The following MAL variants were observed in gnomAD, a reference collection of about 807,000 sequenced individuals.
MAL encodes myelin and lymphocyte protein.
A neutral mutation model predicts 16.7 loss-of-function variants in MAL; 5 were observed. The ratio of observed to expected loss-of-function variants is 0.30; its 90% CI spans 0.16 to 0.63. The LOEUF (loss-of-function observed/expected upper bound fraction) is 0.63. MAL is among the 30% of genes least tolerant of loss of function. The probability of loss-of-function intolerance (pLI) is 0.82; values close to 1 mark genes in which losing one functional copy is unlikely to be tolerated. For missense variants in MAL, 202 were observed against 195.8 expected (o/e 1.03, Z -0.19); for synonymous variants, 96 against 85.5 (o/e 1.12, Z -0.67).
chr2:95,025,836 G>T lies in MAL; in HGVS notation c.44G>T (p.Gly15Val). 6.3e-7 allele frequency: 1 copy of T among 1,578,726 alleles called. No homozygotes were observed. Among genetic ancestry groups the T allele is most frequent in the Admixed American group, 1.8e-5 (1 of 55,726 alleles). The stretch of plus-strand genomic sequence containing the variant: ...ACGGGGGGCAGCACCCTGCCCAGTG[G>T]CTTCTCGGTCTTCACCACCTTGCCC... ...AATGGSTLPSGFSVFTTLPDL... is the reference protein window; with the variant it reads ...AATGGSTLPSVFSVFTTLPDL... Residue 15 changes from glycine to valine, a missense_variant, in exon 1 of 4, where the codon GGC becomes GTC. Transcript: ENST00000309988. This position sits in a 1 kb window ranked among gnomAD's most constrained non-coding sequence, Gnocchi z 5.6.
chr2:95,036,697 G>A (rs1320129985), intron 1 of MAL, among the ~76,000 whole-genome samples: 2 of 152,132 alleles, frequency 1.3e-5, no homozygotes, highest in African/African-American at 4.8e-5. Flanking sequence ...GACTGAGTGA[G>A]TGAGTGACTG....
At chr2:95,040,900 C>T (rs1317352032) in intron 1 of MAL, among the ~76,000 whole-genome samples, 1 of 152,156 alleles carries the variant, frequency 6.6e-6, no homozygotes, top group African/African-American at 2.4e-5. Context: ...TCACATATGC[C>T]TTTAAAGGCA....
At chr2:95,043,951 A>G (rs1318298137) in intron 1 of MAL, among the ~76,000 whole-genome samples, 2 of 152,134 alleles carry the variant, frequency 1.3e-5, no homozygotes, top group African/African-American at 2.4e-5. Context: ...ACAGGCAAGG[A>G]CTGGTGTAAG....
intron 1 of MAL, chr2:95,026,193 C>A (rs1237325468): frequency 9.0e-6 from 2 of 222,232 alleles, no homozygotes; most frequent in Non-Finnish European, 1.7e-5. Flanking sequence ...CCCAAAGCTG[C>A]GCGCGGGGCC....
intron 1 of MAL, among the ~76,000 whole-genome samples, chr2:95,041,206 G>A (rs550811022): frequency 2.0e-5 from 3 of 152,338 alleles, no homozygotes; most frequent in South Asian, 2.1e-4. Flanking sequence ...AACTCCAGAC[G>A]AATCTCAAGA....
At chr2:95,031,507 C>A (rs1359908302) in intron 1 of MAL, among the ~76,000 whole-genome samples, 1 of 152,220 alleles carries the variant, frequency 6.6e-6, no homozygotes, top group Non-Finnish European at 1.5e-5. Context: ...CGAGGCCAGG[C>A]CACCCTCTTG....
chr2:95,051,430 T>G (rs1356482107), intron 3 of MAL: 12 of 152,242 alleles, frequency 7.9e-5, no homozygotes, highest in Admixed American at 7.9e-4. Context: ...TCCCCATCAC[T>G]GTGCACCCCC....
rs191035128 is a variant in MAL, at chr2:95,031,540, A to C, written c.93+5655A>C. Among the ~76,000 whole-genome samples the C allele has an allele frequency of 7.9e-5, 12 of 152,320 alleles. No individual in the cohort carries two copies. In the East Asian group the frequency reaches 2.3e-3, roughly 29 times the overall value. ...TTGATATTTTTATGGGGGATAGAAT[A>C]GTGGGAACAGTTCTCAGGGAGAGGC... On this transcript the variant is annotated intron_variant, in intron 1 of 3. Coordinates refer to ENST00000309988, the MANE Select transcript of MAL (RefSeq NM_002371.4).
In MAL at chr2:95,048,100, G is replaced by T; in HGVS notation, c.235G>T (p.Gly79Cys). 1 of 1,613,840 alleles carries T rather than the reference G, an allele frequency of 6.2e-7. No homozygotes were observed. The highest frequency in any genetic ancestry group is 1.3e-5 in the African/African-American group (1 of 75,016). Residue 79 changes from glycine to cysteine, a missense_variant, in exon 2 of 4, where the codon GGT becomes TGT. Transcript: ENST00000309988. The part of the protein sequence containing the change: ...LIILYIIGAH[G>C]GETSWVTLDA... ...CATCCTGTACATAATTGGAGCCCAC[G>T]GTGGAGAGACTTCCTGGGTCACCTT...
At chr2:95,053,299 C>T in intron 3 of MAL, 82 bp from the exon 4 acceptor site, 1 of 954,064 alleles carries the variant, frequency 1.0e-6, no homozygotes, top group African/African-American at 1.6e-5. Flanking sequence ...CCCCCTACGC[C>T]ACGTGGGGCT....
intron 1 of MAL, among the ~76,000 whole-genome samples, chr2:95,028,171 A>C (rs1437762205): frequency 6.7e-6 from 1 of 150,214 alleles, no homozygotes; most frequent in South Asian, 2.1e-4. Flanking sequence ...AAAAAAAAAA[A>C]AAAAACCCGG....
chr2:95,033,359 C>T (rs1674132813), intron 1 of MAL, among the ~76,000 whole-genome samples: 1 of 152,158 alleles, frequency 6.6e-6, no homozygotes, highest in Non-Finnish European at 1.5e-5. Context: ...GTGTCTTAAA[C>T]ACAAACCTTG....
At position 95,046,067 on chromosome 2, in the gene MAL, CAA is replaced by C. The variant is rs555893285; in HGVS notation, c.94-1890_94-1889del. ...AGGGACAACTTGGTTTTAATAAATCCAAAGTCTTCATTGCACTGATTTTTCTA... is the reference window on the plus strand; with the variant it reads ...AGGGACAACTTGGTTTTAATAAATCCAGTCTTCATTGCACTGATTTTTCTA... On this transcript the variant is annotated intron_variant, in intron 1 of 3. Transcript: ENST00000309988. 8.5e-5 allele frequency among the ~76,000 whole-genome samples: 13 copies of C among 152,314 alleles called. No individual in the cohort carries two copies. The East Asian group carries it at 2.5e-3, about 29-fold the overall frequency.
chr2:95,039,300 CTGAG>C (rs1240129224), intron 1 of MAL, among the ~76,000 whole-genome samples: 1 of 74,560 alleles, frequency 1.3e-5, no homozygotes, highest in Non-Finnish European at 2.8e-5. Context: ...GACTGAGTGA[CTGAG>C]TGGGTGAGTG....
chr2:95,051,769 A>G (rs1439603798), intron 3 of MAL: 1 of 152,302 alleles, frequency 6.6e-6, no homozygotes, highest in Middle Eastern at 3.4e-3. Flanking sequence ...CAGCTGGCAG[A>G]TGTGCCCAGA....
intron 1 of MAL, among the ~76,000 whole-genome samples, chr2:95,034,832 A>G (rs1674168460): frequency 6.6e-6 from 1 of 152,134 alleles, no homozygotes; most frequent in Non-Finnish European, 1.5e-5. Context: ...CATCCCCTCC[A>G]CCGGGAAGCC....
chr2:95,041,069 G>A (rs1373919203), intron 1 of MAL, among the ~76,000 whole-genome samples: 1 of 152,170 alleles, frequency 6.6e-6, no homozygotes, highest in Non-Finnish European at 1.5e-5. Flanking sequence ...CTAACAGAGT[G>A]AAATGGAGCC....
intron 1 of MAL, 117 bp downstream of exon 1, chr2:95,026,002 G>A (rs1211741185): frequency 9.2e-6 from 8 of 864,888 alleles, no homozygotes; most frequent in South Asian, 1.8e-5. Context: ...GAGCATCGGG[G>A]CAGCAGGCGC....
intron 1 of MAL, among the ~76,000 whole-genome samples, chr2:95,036,483 G>C (rs1189731594): frequency 6.6e-6 from 1 of 152,252 alleles, no homozygotes; most frequent in Non-Finnish European, 1.5e-5. Flanking sequence ...AAGACTGCAT[G>C]AGAGAGGAGA....
Sources: allele counts gnomAD v4.1 joint callset (sites outside exome capture counted in the v4.1 genomes callset), GRCh38; gene constraint gnomAD v4.1.1; non-coding constraint Gnocchi (gnomAD v3.1); transcripts MANE v1.5; gene names NCBI Gene and HGNC (gene_info 2026-07-23, HGNC 2026-07-21).